The following EBF2 variants were observed in gnomAD, a reference collection of about 807,000 sequenced individuals.
EBF2 encodes the protein transcription factor COE2.
In EBF2, 21 loss-of-function variants were observed where a neutral mutation model predicts 72.8. That is an observed-to-expected ratio of 0.29 (90% confidence interval 0.20 to 0.42). The LOEUF (loss-of-function observed/expected upper bound fraction) is 0.42. EBF2 is among the 10% of genes least tolerant of loss of function. The probability of loss-of-function intolerance (pLI) is 1.00; values close to 1 mark genes in which losing one functional copy is unlikely to be tolerated. For missense variants in EBF2, 637 were observed against 731.2 expected (o/e 0.87, Z 1.49); for synonymous variants, 299 against 274.2 (o/e 1.09, Z -0.89).
Position 25,994,342 on chromosome 8 carries a change from A to G in EBF2, c.551+38743T>C, listed in dbSNP as rs1180078948. Among the ~76,000 whole-genome samples, 4 of 152,324 alleles carry G rather than the reference A, an allele frequency of 2.6e-5. No individual in the cohort carries two copies. The East Asian group carries it at 7.7e-4, about 29-fold the overall frequency. On this transcript the variant is annotated intron_variant, in intron 6 of 15. Coordinates refer to ENST00000520164, the MANE Select transcript of EBF2 (RefSeq NM_022659.4). ...GGAATGATGTAAGGCAAAATTTTAT[A>G]AAACTATTGTGCCAAACAGAAATAG...
intron 6 of EBF2, among the ~76,000 whole-genome samples, chr8:25,994,422 A>G (rs1294255922): frequency 2.6e-5 from 4 of 152,232 alleles, no homozygotes; most frequent in African/African-American, 7.2e-5. Context: ...AACTTCTTGA[A>G]AACAATTTAA....
intron 6 of EBF2, among the ~76,000 whole-genome samples, chr8:25,936,865 C>A (rs912008726): frequency 1.3e-5 from 2 of 152,144 alleles, no homozygotes; most frequent in Non-Finnish European, 2.9e-5. Context: ...GTGTTTCATG[C>A]CTAAAGATTT....
intron 6 of EBF2, among the ~76,000 whole-genome samples, chr8:25,953,377 T>C (rs1333758321): frequency 1.3e-5 from 2 of 152,230 alleles, no homozygotes; most frequent in Non-Finnish European, 2.9e-5. Flanking sequence ...AAGGTGGTCA[T>C]ATAGGCTTTT....
intron 5 of EBF2, among the ~76,000 whole-genome samples, chr8:26,037,552 C>T (rs1296011815): frequency 2.0e-5 from 3 of 152,196 alleles, no homozygotes; most frequent in African/African-American, 7.2e-5. Flanking sequence ...CCGGCTGGCC[C>T]ATCTGATTAG....
chr8:25,895,913 CCGTGTGTGTA>C (rs1563392163), intron 7 of EBF2, among the ~76,000 whole-genome samples: 1 of 125,252 alleles, frequency 8.0e-6, no homozygotes, highest in African/African-American at 3.5e-5. Context: ...TTTTGGAACA[CCGTGTGTGTA>C]TGTGTGTGTG....
In EBF2 at chr8:26,040,647, T is replaced by C. The variant is rs946458029; in HGVS notation, c.377A>G (p.Tyr126Cys). The change falls in exon 4 of 16, where the codon TAT (tyrosine) becomes TGT (cysteine). Residue 126 changes from tyrosine to cysteine, a missense_variant. This residue lies in a region of EBF2 where 174 missense variants were observed against 161.9 expected (regional missense o/e 1.07). Transcript: ENST00000520164. Reference protein sequence around the residue: ...SNGVRTEQDLYVRLIDSVTKQ... With the variant: ...SNGVRTEQDLCVRLIDSVTKQ... ...GGTGACCGAGTCGATGAGCCTGACA[T>C]AGAGGTCCTGTTCCGTGCGGACACC... The C allele has an allele frequency of 6.4e-6, 10 of 1,555,166 alleles. No homozygotes were observed. The highest frequency in any genetic ancestry group is 2.4e-5 in the East Asian group (1 of 41,356).
intron 6 of EBF2, among the ~76,000 whole-genome samples, chr8:26,012,638 T>C (rs1359256777): frequency 1.3e-5 from 2 of 152,194 alleles, no homozygotes; most frequent in African/African-American, 4.8e-5. Context: ...TTTCCACTAA[T>C]GGACAGAGTT....
intron 6 of EBF2, among the ~76,000 whole-genome samples, chr8:25,950,252 TC>T (rs1803837379): frequency 6.6e-6 from 1 of 152,226 alleles, no homozygotes; most frequent in Non-Finnish European, 1.5e-5. Context: ...TTCAGCAGGC[TC>T]TCAAATTCCA....
chr8:25,921,619 A>G (rs1803306727), intron 6 of EBF2, among the ~76,000 whole-genome samples: 1 of 152,234 alleles, frequency 6.6e-6, no homozygotes, highest in Non-Finnish European at 1.5e-5. Context: ...ACATCTTAGT[A>G]CCAAAAATGA....
At chr8:26,033,762 G>GAA (rs34634701) in intron 5 of EBF2, among the ~76,000 whole-genome samples, 37 of 151,456 alleles carry the variant, frequency 2.4e-4, no homozygotes, top group African/African-American at 6.8e-4. Context: ...AAAAGTTGAA[G>GAA]AAAAAAAAAT....
intron 6 of EBF2, among the ~76,000 whole-genome samples, chr8:26,017,607 C>T (rs1395736591): frequency 6.6e-6 from 1 of 152,104 alleles, no homozygotes; most frequent in Non-Finnish European, 1.5e-5. Context: ...AGTCCGCTTG[C>T]TTTTACCGGC....
chr8:25,846,467 C>T (rs112976347), intron 15 of EBF2, among the ~76,000 whole-genome samples: 2,416 of 152,100 alleles, frequency 0.016, 76 homozygotes, highest in African/African-American at 0.055. Context: ...GTGGGAGGAT[C>T]GCTTGAGCCC....
At chr8:25,868,355 C>G (rs1802370788) in intron 10 of EBF2, among the ~76,000 whole-genome samples, 1 of 152,214 alleles carries the variant, frequency 6.6e-6, no homozygotes, top group African/African-American at 2.4e-5. Flanking sequence ...CTTATTTCAT[C>G]TATCTTTTTG....
chr8:26,001,200 T>C (rs1400600240), intron 6 of EBF2, among the ~76,000 whole-genome samples: 2 of 152,022 alleles, frequency 1.3e-5, no homozygotes, highest in African/African-American at 4.8e-5. Context: ...AAGACATTCA[T>C]CCAGCACTGG....
At chr8:25,950,981 A>G (rs1803850162) in intron 6 of EBF2, among the ~76,000 whole-genome samples, 1 of 152,212 alleles carries the variant, frequency 6.6e-6, no homozygotes, top group Admixed American at 6.5e-5. Context: ...CCAAGGACAA[A>G]GTAATGTTTA....
At chr8:25,878,938 T>C (rs1483151342) in intron 10 of EBF2, among the ~76,000 whole-genome samples, 2 of 152,192 alleles carry the variant, frequency 1.3e-5, no homozygotes, top group African/African-American at 4.8e-5. Flanking sequence ...AGTTTACTAA[T>C]GTGCACTGTT....
At chr8:25,875,090 T>C (rs921482682) in intron 10 of EBF2, among the ~76,000 whole-genome samples, 1 of 152,092 alleles carries the variant, frequency 6.6e-6, no homozygotes, top group Non-Finnish European at 1.5e-5. Flanking sequence ...AAACCTGATT[T>C]CTAATCTAGA....
At position 25,930,587 on chromosome 8, in the gene EBF2, A is replaced by G. The variant is rs1803463608; in HGVS notation, c.552-22032T>C. Among the ~76,000 whole-genome samples the G allele has an allele frequency of 2.0e-5, 3 of 152,330 alleles. No homozygotes were observed. In the South Asian group the frequency reaches 6.2e-4, roughly 32 times the overall value. ...TCATTTAGTTGAGAAAGAGATAGCTATGGAAGTCAATGACATCCAAGAAAA... is the reference window on the plus strand; with the variant it reads ...TCATTTAGTTGAGAAAGAGATAGCTGTGGAAGTCAATGACATCCAAGAAAA... On this transcript the variant is annotated intron_variant, in intron 6 of 15. Coordinates refer to ENST00000520164, the MANE Select transcript of EBF2 (RefSeq NM_022659.4).
rs114097218 is a variant in EBF2 at position 25,954,547 on chromosome 8, T to C, written c.552-45992A>G. ...CTCTGAGGCACTAAGAAAAACAAAA[T>C]TCACATATTTTGAGGGCCTTCAGTG... On this transcript the variant is annotated intron_variant, in intron 6 of 15. Transcript: ENST00000520164. Among the ~76,000 whole-genome samples the C allele has an allele frequency of 4.2e-3, 641 of 152,228 alleles. 6 individuals are homozygous for C. Among genetic ancestry groups the C allele is most frequent in the African/African-American group, 0.015 (619 of 41,554 alleles).
Sources: gnomAD v4.1 joint callset for allele counts (sites outside exome capture counted in the v4.1 genomes callset) on GRCh38, gnomAD v4.1.1 for gene constraint, gnomAD v4.1.1 regional missense constraint, MANE v1.5 for transcripts, NCBI Gene and HGNC (gene_info 2026-07-23, HGNC 2026-07-21) for gene names.